The following NUP85 variants were observed in gnomAD, a reference collection of about 807,000 sequenced individuals.
The protein encoded by NUP85 is nuclear pore complex protein Nup85.
NUP85 carries 23 observed loss-of-function variants against 92.8 expected under a neutral mutation model. That is an observed-to-expected ratio of 0.25 (90% CI 0.18 to 0.35). The LOEUF (loss-of-function observed/expected upper bound fraction) is 0.35, where lower values mean the gene tolerates loss of function less well. NUP85 is among the 10% of genes least tolerant of loss of function. The probability of loss-of-function intolerance (pLI) is 1.00; values close to 1 mark genes in which losing one functional copy is unlikely to be tolerated. For synonymous variants in NUP85, 314 were observed against 306.9 expected, an observed-to-expected ratio of 1.02 and a Z score of -0.24; for missense variants, 759 against 822.8, an observed-to-expected ratio of 0.92 and a Z score of 0.95.
At chr17:75,228,284 A>G in intron 11 of NUP85, 1 of 985,324 alleles carries the variant, frequency 1.0e-6, no homozygotes. Context: ...GGGGTGAACA[A>G]CATCACTCTC....
intron 1 of NUP85, chr17:75,208,313 C>T (rs2075149816): frequency 2.1e-6 from 1 of 473,166 alleles, no homozygotes; most frequent in East Asian, 3.5e-5. Context: ...GGTGTGGTTG[C>T]ACACACCTGT....
intron 2 of NUP85, among the ~76,000 whole-genome samples, chr17:75,209,174 G>T (rs140423260): frequency 1.3e-5 from 2 of 151,938 alleles, no homozygotes; most frequent in African/African-American, 2.4e-5. Context: ...CCTATCAGTA[G>T]CTCCCTTATT....
chr17:75,232,600 C>T (rs1012988337), intron 14 of NUP85, among the ~76,000 whole-genome samples: 10 of 152,200 alleles, frequency 6.6e-5, no homozygotes, highest in African/African-American at 1.4e-4. Context: ...TAGGGAGCAA[C>T]GTTTTGCTCC....
chr17:75,226,065 G>A lies in NUP85; in HGVS notation c.1002G>A (p.Leu334=). ...CCTTTCCACAGTCCAGCCTGGACCT[G>A]TTTCTGGGAGGTGAGAGCAGCCCAG... The part of the protein sequence containing the change: ...LHYYAQSSLD[L]FLGGESSPEP... The change falls in exon 11 of 19, where the codon CTG becomes CTA. Residue 334 remains leucine (L), a synonymous_variant. Coordinates refer to ENST00000245544, the MANE Select transcript of NUP85 (RefSeq NM_024844.5). 1.2e-6 allele frequency: 2 copies of A among 1,614,106 alleles called. No individual in the cohort carries two copies. The highest frequency in any genetic ancestry group is 1.7e-6 in the Non-Finnish European group (2 of 1,180,012).
intron 2 of NUP85, among the ~76,000 whole-genome samples, chr17:75,208,903 C>G (rs1209328166): frequency 6.6e-6 from 1 of 151,918 alleles, no homozygotes. Flanking sequence ...GCCACCACGC[C>G]CAGCTAATTT....
intron 1 of NUP85, chr17:75,208,286 A>G (rs1598260234): frequency 2.4e-6 from 1 of 423,580 alleles, no homozygotes; most frequent in East Asian, 4.1e-5. Flanking sequence ...AAATGAAAAA[A>G]AAAAAAAAAA....
rs1156312127 is a variant in NUP85 at position 75,215,746 on chromosome 17, T to C, written c.406-8T>C. On this transcript the variant is annotated splice_polypyrimidine_tract_variant and splice_region_variant and intron_variant, in intron 5 of 18. Transcript: ENST00000245544. ...TTCAGGTGAAACCTGTCCCCATTTC[T>C]TCCTTAGGTCTCCATTTTGTCAGCA... 6.2e-6 allele frequency: 10 copies of C among 1,613,698 alleles called. 1 individual carries two copies. In the Middle Eastern group the frequency reaches 5.0e-4, roughly 80 times the overall value.
Position 75,212,069 on chromosome 17 carries a change from A to T in NUP85, c.361+7A>T. ...GAAATGCACCAGGTTGCAAGTAAGG[A>T]CTGTGTGCGCGTGCGCGCGTGTGTG... is the stretch of plus-strand genomic sequence containing the variant. On this transcript the variant is annotated splice_region_variant and intron_variant, in intron 4 of 18. Transcript: ENST00000245544. The T allele has an allele frequency of 6.3e-7, 1 of 1,592,408 alleles. No individual in the cohort carries two copies. The highest frequency in any genetic ancestry group is 8.5e-7 in the Non-Finnish European group (1 of 1,172,550).
At chr17:75,227,709 C>T (rs2075874461) in intron 11 of NUP85, among the ~76,000 whole-genome samples, 1 of 151,892 alleles carries the variant, frequency 6.6e-6, no homozygotes, top group Non-Finnish European at 1.5e-5. Flanking sequence ...GTGATCTCAG[C>T]TCACTGCAGC....
chr17:75,226,812 G>T (rs1386263528), intron 11 of NUP85: 2 of 439,992 alleles, frequency 4.5e-6, no homozygotes, highest in African/African-American at 4.0e-5. Context: ...AAGCCAGCAA[G>T]CCTGTTTCTT....
At position 75,235,598 on chromosome 17, in the gene NUP85, C is replaced by T. The variant is rs768594142; in HGVS notation, c.1890C>T (p.Thr630=). The stretch of plus-strand genomic sequence containing the variant: ...TGCAGGATGATGACATAGAGACCAC[C>T]AAGGTGGAAATGCTGAGACTTTCTC... ...EQLQDDDIET[T]KVEMLRLSLA... is the part of the protein sequence containing the mutation. The change falls in exon 19 of 19, where the codon ACC becomes ACT. Residue 630 remains threonine, a synonymous_variant. Coordinates refer to ENST00000245544, the MANE Select transcript of NUP85 (RefSeq NM_024844.5). 6.2e-7 allele frequency: 1 copy of T among 1,614,016 alleles called. No homozygotes were observed. Among genetic ancestry groups the T allele is most frequent in the South Asian group, 1.1e-5 (1 of 91,072 alleles).
At chr17:75,208,267 C>T (rs1246109294) in intron 1 of NUP85, 1 of 366,948 alleles carries the variant, frequency 2.7e-6, no homozygotes, top group African/African-American at 2.3e-5. Context: ...GAAACTCTAT[C>T]TCTACTAAAA....
intron 7 of NUP85, among the ~76,000 whole-genome samples, chr17:75,218,984 T>G (rs534450326): frequency 6.6e-6 from 1 of 152,178 alleles, no homozygotes; most frequent in Admixed American, 6.6e-5. Context: ...GCACATTACT[T>G]TGGATCATCA....
chr17:75,207,283 AAG>A (rs1203120079), intron 1 of NUP85, among the ~76,000 whole-genome samples: 4 of 151,518 alleles, frequency 2.6e-5, no homozygotes, highest in Admixed American at 6.6e-5. Context: ...TCCCAGGTTC[AAG>A]CAATTCTCCT....
At chr17:75,234,529 G>C in intron 16 of NUP85, 108 bp from the exon 17 acceptor site, 2 of 1,065,986 alleles carry the variant, frequency 1.9e-6, no homozygotes, top group Non-Finnish European at 2.8e-6. Context: ...TGGAGTGGCT[G>C]GTCTGAGGTT....
intron 11 of NUP85, chr17:75,228,910 G>C: frequency 1.0e-6 from 1 of 985,430 alleles, no homozygotes; most frequent in Non-Finnish European, 1.2e-6. Flanking sequence ...CTCAGTGCCT[G>C]GGTGGGCATG....
At chr17:75,218,106 G>A in intron 6 of NUP85, 79 bp from the exon 7 acceptor site, 2 of 1,594,890 alleles carry the variant, frequency 1.3e-6, no homozygotes, top group Non-Finnish European at 1.7e-6. Flanking sequence ...CTGCCTTAAA[G>A]TTCTCTGTTC....
At chr17:75,234,979 C>G in intron 17 of NUP85, 121 bp from the exon 18 acceptor site, 2 of 1,038,022 alleles carry the variant, frequency 1.9e-6, no homozygotes, top group Non-Finnish European at 3.0e-6. Context: ...ATGAGGTATT[C>G]GTATACAAAG....
chr17:75,233,661 T>C (rs898541734), intron 16 of NUP85, among the ~76,000 whole-genome samples: 20 of 150,940 alleles, frequency 1.3e-4, no homozygotes, highest in African/African-American at 4.9e-4. Context: ...TGCAGTGGCG[T>C]GATCTCGGCT....
Sources: allele counts gnomAD v4.1 joint callset (sites outside exome capture counted in the v4.1 genomes callset), GRCh38; gene constraint gnomAD v4.1.1; transcripts MANE v1.5; gene names NCBI Gene and HGNC (gene_info 2026-07-23, HGNC 2026-07-21).